KCNG3: variants seen among roughly 807,000 people sequenced by gnomAD.
KCNG3 encodes potassium voltage-gated channel modifier subfamily G member 3.
A neutral mutation model predicts 29.0 loss-of-function variants in KCNG3; 15 were observed. The ratio of observed to expected loss-of-function variants is 0.52; its 90% CI spans 0.35 to 0.80. KCNG3 has a LOEUF of 0.80. KCNG3 is among the 30% of genes least tolerant of loss of function. The pLI, the probability that KCNG3 is intolerant of heterozygous loss-of-function variation, is 0.01. For missense variants in KCNG3, 512 were observed against 605.7 expected (o/e 0.85, Z 1.62); for synonymous variants, 322 against 248.9 (o/e 1.29, Z -2.76).
At chr2:42,416,212 G>C in the KCNG3 span, among the ~76,000 whole-genome samples, 1 of 152,106 alleles carries the variant, frequency 6.6e-6, no homozygotes, top group Non-Finnish European at 1.5e-5. Context: ...AGGAGGAATA[G>C]TGAGAGGTTA....
chr2:42,403,238 C>G, the KCNG3 span, among the ~76,000 whole-genome samples: 2 of 151,318 alleles, frequency 1.3e-5, no homozygotes, highest in Admixed American at 1.3e-4. Context: ...CCGTCCCAGG[C>G]TCAGGCGATC....
intron 1 of KCNG3, among the ~76,000 whole-genome samples, chr2:42,478,544 C>T (rs1673499108): frequency 6.6e-6 from 1 of 151,738 alleles, no homozygotes; most frequent in Non-Finnish European, 1.5e-5. Flanking sequence ...CAAAGACATT[C>T]TTAGGTAAAG....
At chr2:42,428,838 G>A in the KCNG3 span, among the ~76,000 whole-genome samples, 3 of 152,156 alleles carry the variant, frequency 2.0e-5, no homozygotes, top group Non-Finnish European at 2.9e-5. Context: ...CAGGCACGAC[G>A]CTGAGTGTAG....
At chr2:42,475,726 G>A (rs945913768) in intron 1 of KCNG3, among the ~76,000 whole-genome samples, 1 of 151,368 alleles carries the variant, frequency 6.6e-6, no homozygotes, top group South Asian at 2.1e-4. Context: ...AGTATTAATA[G>A]GATGCAATTG....
intron 1 of KCNG3, among the ~76,000 whole-genome samples, chr2:42,453,558 A>AT (rs541233691): frequency 5.9e-5 from 9 of 151,996 alleles, no homozygotes; most frequent in Non-Finnish European, 7.4e-5. Context: ...AAATTATTAG[A>AT]TTTTTTTTCC....
intron 1 of KCNG3, among the ~76,000 whole-genome samples, chr2:42,471,826 G>C (rs1428796954): frequency 6.8e-6 from 1 of 148,066 alleles, no homozygotes; most frequent in Admixed American, 6.8e-5. Context: ...TGAGGCTGTA[G>C]TGAGCCATGA....
At chr2:42,432,704 G>A in the KCNG3 span, among the ~76,000 whole-genome samples, 10 of 152,202 alleles carry the variant, frequency 6.6e-5, no homozygotes, top group Non-Finnish European at 1.0e-4. Context: ...ATTAACTTGG[G>A]TTAATGAAGA....
chr2:42,457,679 G>A (rs1414921746), intron 1 of KCNG3, among the ~76,000 whole-genome samples: 14 of 105,900 alleles, frequency 1.3e-4, no homozygotes, highest in African/African-American at 2.2e-4. Context: ...AAGGCTGGGC[G>A]CAGTGGCTCA....
intron 1 of KCNG3, among the ~76,000 whole-genome samples, chr2:42,465,350 C>T (rs551883001): frequency 2.6e-5 from 4 of 151,628 alleles, no homozygotes; most frequent in South Asian, 2.1e-4. Context: ...CCAAGTAGCT[C>T]GGACTACAGG....
the KCNG3 span, among the ~76,000 whole-genome samples, chr2:42,405,590 C>CACCACA: frequency 1.7e-3 from 263 of 151,910 alleles, 2 homozygotes; most frequent in African/African-American, 6.2e-3. Context: ...AGGCGTCTGC[C>CACCACA]ACCACATGTG....
intron 1 of KCNG3, among the ~76,000 whole-genome samples, chr2:42,482,248 G>C (rs1484733635): frequency 6.6e-6 from 1 of 152,168 alleles, no homozygotes; most frequent in Non-Finnish European, 1.5e-5. Context: ...TACATGAATG[G>C]GGAGCCATAA....
the KCNG3 span, among the ~76,000 whole-genome samples, chr2:42,396,894 TGTTA>T: frequency 6.6e-6 from 1 of 152,164 alleles, no homozygotes; most frequent in Non-Finnish European, 1.5e-5. Context: ...ATTAAAAGAA[TGTTA>T]GTTGTTTAGG....
At chr2:42,457,890 A>G in intron 1 of KCNG3, among the ~76,000 whole-genome samples, 1 of 152,080 alleles carries the variant, frequency 6.6e-6, no homozygotes, top group East Asian at 1.9e-4. Context: ...TGGGAAGCTG[A>G]GGAAGGAAGA....
At chr2:42,430,398 A>G in the KCNG3 span, among the ~76,000 whole-genome samples, 9 of 149,970 alleles carry the variant, frequency 6.0e-5, no homozygotes, top group Non-Finnish European at 1.3e-4. Flanking sequence ...AAATAAATAA[A>G]TAAATAAATA....
At chr2:42,477,388 T>TACACACACACACACACAC (rs1210808896) in intron 1 of KCNG3, among the ~76,000 whole-genome samples, 65 of 104,782 alleles carry the variant, frequency 6.2e-4, no homozygotes, top group African/African-American at 2.3e-3. Flanking sequence ...CACATATATA[T>TACACACACACACACACAC]ACACACACAC....
the KCNG3 span, chr2:42,388,715 C>G: frequency 6.6e-6 from 1 of 152,282 alleles, no homozygotes; most frequent in African/African-American, 2.4e-5. Flanking sequence ...AGAGCCCTAT[C>G]CTCAAATACA....
At chr2:42,406,224 A>T in the KCNG3 span, among the ~76,000 whole-genome samples, 33 of 145,776 alleles carry the variant, frequency 2.3e-4, no homozygotes, top group East Asian at 5.1e-3. Flanking sequence ...TAACACATTA[A>T]TTTTTTTTTT....
chr2:42,476,189 A>G (rs1444168754), intron 1 of KCNG3, among the ~76,000 whole-genome samples: 1 of 152,042 alleles, frequency 6.6e-6, no homozygotes, highest in African/African-American at 2.4e-5. Flanking sequence ...TTTTACAACC[A>G]GGCCGGGCGC....
At chr2:42,464,151 T>G (rs1004256646) in intron 1 of KCNG3, among the ~76,000 whole-genome samples, 2 of 152,214 alleles carry the variant, frequency 1.3e-5, no homozygotes, top group Non-Finnish European at 2.9e-5. Flanking sequence ...GTAACTAATG[T>G]GTCCAGTGCT....
Sources: gnomAD v4.1 joint callset for allele counts (sites outside exome capture counted in the v4.1 genomes callset) on GRCh38, gnomAD v4.1.1 for gene constraint, MANE v1.5 for transcripts, NCBI Gene and HGNC (gene_info 2026-07-23, HGNC 2026-07-21) for gene names.